The following EML1 variants were observed in gnomAD, a reference collection of about 807,000 sequenced individuals.
EML1 encodes EMAP like 1.
EML1 carries 27 observed loss-of-function variants against 110.4 expected under a neutral mutation model. That is an observed-to-expected ratio of 0.24 (90% confidence interval 0.18 to 0.34). The LOEUF is 0.34. Ranked by LOEUF, EML1 falls within the 10% of genes least tolerant of loss-of-function variation. The probability of loss-of-function intolerance (pLI) is 1.00; values close to 1 mark genes in which losing one functional copy is unlikely to be tolerated. For synonymous variants in EML1, 344 were observed against 385.8 expected, an observed-to-expected ratio of 0.89 and a Z score of 1.27; for missense variants, 741 against 1,030.9, an observed-to-expected ratio of 0.72 and a Z score of 3.85.
At chr14:99,829,304 A>T (rs774755513) in intron 1 of EML1, among the ~76,000 whole-genome samples, 5 of 151,676 alleles carry the variant, frequency 3.3e-5, no homozygotes, top group African/African-American at 4.8e-5. Flanking sequence ...TTGCTGTTGC[A>T]CTCTCATGAG....
At chr14:99,756,978 C>A (rs1282219011) in intron 1 of EML1, among the ~76,000 whole-genome samples, 1 of 152,224 alleles carries the variant, frequency 6.6e-6, no homozygotes, top group Non-Finnish European at 1.5e-5. Context: ...GTTCTACACA[C>A]ACATCCCCAG....
At chr14:99,902,894 G>A (rs1303514825) in intron 9 of EML1, among the ~76,000 whole-genome samples, 1 of 152,162 alleles carries the variant, frequency 6.6e-6, no homozygotes, top group Non-Finnish European at 1.5e-5. Context: ...TTTCCCCCAA[G>A]GGGCTTCTAT....
At chr14:99,880,499 A>G (rs2059367168) in intron 4 of EML1, among the ~76,000 whole-genome samples, 1 of 152,064 alleles carries the variant, frequency 6.6e-6, no homozygotes, top group Admixed American at 6.5e-5. Flanking sequence ...ACCCTCGAGG[A>G]TGGGACACAG....
Position 99,907,675 on chromosome 14 carries a change from A to G in EML1, c.1046A>G (p.Asn349Ser). ...GTNLCAVDDS[N>S]DHVLSVWDWQ... ...AATCTCTGTGCTGTGGATGACTCCAACGACCATGTGCTCTCTGTATGGGAC... is the reference window on the plus strand; with the variant it reads ...AATCTCTGTGCTGTGGATGACTCCAGCGACCATGTGCTCTCTGTATGGGAC... The change falls in exon 10 of 22, where the codon AAC becomes AGC. Residue 349 changes from asparagine to serine, a missense_variant. This residue lies in a region of EML1 where 388 missense variants were observed against 605.6 expected (regional missense o/e 0.64). Transcript: ENST00000262233. 4 of 1,614,214 alleles carry G rather than the reference A, an allele frequency of 2.5e-6. No homozygotes were observed. The highest frequency in any genetic ancestry group is 1.3e-5 in the African/African-American group (1 of 75,066).
chr14:99,739,165 G>T (rs927234256), intron 1 of EML1, among the ~76,000 whole-genome samples: 4 of 143,972 alleles, frequency 2.8e-5, no homozygotes, highest in African/African-American at 1.0e-4. Context: ...TTGGGGAGGG[G>T]TACATTGACA....
At chr14:99,897,531 T>A (rs1047925605) in intron 7 of EML1, among the ~76,000 whole-genome samples, 1 of 152,084 alleles carries the variant, frequency 6.6e-6, no homozygotes, top group African/African-American at 2.4e-5. Flanking sequence ...TTGGGAGAGC[T>A]CTTCTGTGTG....
At chr14:99,774,411 A>G (rs1364338972) in intron 1 of EML1, among the ~76,000 whole-genome samples, 3 of 152,158 alleles carry the variant, frequency 2.0e-5, no homozygotes, top group Non-Finnish European at 2.9e-5. Context: ...TAAAAGATGC[A>G]AATGCTTCTG....
chr14:99,797,195 T>C (rs889248422), intron 1 of EML1, among the ~76,000 whole-genome samples: 1 of 152,210 alleles, frequency 6.6e-6, no homozygotes, highest in African/African-American at 2.4e-5. Flanking sequence ...AATGGAATTA[T>C]AGAATGTTTG....
At chr14:99,917,969 G>T (rs2060062752) in intron 16 of EML1, 120 bp downstream of exon 16, 5 of 944,310 alleles carry the variant, frequency 5.3e-6, no homozygotes, top group African/African-American at 1.7e-5. Flanking sequence ...AGCTTCTAAT[G>T]ACTTACCAAG....
intron 17 of EML1, among the ~76,000 whole-genome samples, chr14:99,927,710 G>A (rs1279662473): frequency 1.4e-5 from 2 of 141,066 alleles, no homozygotes; most frequent in Non-Finnish European, 3.0e-5. Flanking sequence ...TCCAGTTTCT[G>A]AGATAATACA....
At position 99,751,477 on chromosome 14, in the gene EML1, C is replaced by A. The variant is rs113185973; in HGVS notation, c.28+13617C>A. ...ACAGTATGATTCCCGTCCTTGGGGG[C>A]AGACTCTTGGAGCAGGGGAGGTGTC... is the stretch of plus-strand genomic sequence containing the variant. On this transcript the variant is annotated intron_variant, in intron 1 of 10. Coordinates refer to the EML1 transcript ENST00000554479. Among the ~76,000 whole-genome samples the A allele has an allele frequency of 1.3e-3, 194 of 152,266 alleles. 1 individual carries two copies. Among genetic ancestry groups the A allele is most frequent in the African/African-American group, 4.3e-3 (177 of 41,558 alleles).
chr14:99,765,630 G>T (rs1449806382), intron 1 of EML1, among the ~76,000 whole-genome samples: 4 of 152,074 alleles, frequency 2.6e-5, no homozygotes, highest in Non-Finnish European at 4.4e-5. Flanking sequence ...TTGAGACAGA[G>T]TCTGGCTCTT....
chr14:99,936,262 A>C lies in EML1; in HGVS notation c.2023A>C (p.Ile675Leu). The C allele has an allele frequency of 6.2e-6, 10 of 1,614,076 alleles. No individual in the cohort carries two copies. Among genetic ancestry groups the C allele is most frequent in the Non-Finnish European group, 8.5e-6 (10 of 1,180,022 alleles). The part of the protein sequence containing the change: ...VGKCSGHSSF[I>L]THLDWSVNSQ... ...ACCCTCCCAGGGTCATTCCAGCTTC[A>C]TTACTCACCTGGACTGGTCTGTAAA... The change falls in exon 19 of 22, where the codon ATT (isoleucine) becomes CTT (leucine). Residue 675 changes from isoleucine (I) to leucine (L), a missense_variant. This residue lies in a region of EML1 where 388 missense variants were observed against 605.6 expected (regional missense o/e 0.64). Coordinates refer to ENST00000262233, the MANE Select transcript of EML1 (RefSeq NM_004434.3). The surrounding 1 kb of genome is among the most constrained non-coding windows in gnomAD (Gnocchi z 5.5).
chr14:99,891,341 GT>G, intron 5 of EML1, 114 bp downstream of exon 5: 1 of 1,333,118 alleles, frequency 7.5e-7, no homozygotes, highest in Admixed American at 1.9e-5. Context: ...AGGAGCTTTG[GT>G]TTGTGCAGGC....
chr14:99,872,438 A>G (rs2059221679), intron 3 of EML1, among the ~76,000 whole-genome samples: 1 of 152,194 alleles, frequency 6.6e-6, no homozygotes, highest in African/African-American at 2.4e-5. Flanking sequence ...AAACATTCTA[A>G]GGCCTCTGTA....
intron 3 of EML1, among the ~76,000 whole-genome samples, chr14:99,878,077 G>T (rs1484240714): frequency 6.6e-6 from 1 of 152,006 alleles, no homozygotes; most frequent in Non-Finnish European, 1.5e-5. Flanking sequence ...TAATTCGTCG[G>T]CTATCGTTAG....
At chr14:99,874,281 T>C (rs1276074670) in intron 3 of EML1, among the ~76,000 whole-genome samples, 1 of 152,232 alleles carries the variant, frequency 6.6e-6, no homozygotes, top group Non-Finnish European at 1.5e-5. Context: ...TTTCATAACT[T>C]ACAAGGTTGC....
chr14:99,878,346 C>A, intron 3 of EML1, 139 bp from the exon 4 acceptor site: 1 of 1,291,434 alleles, frequency 7.7e-7, no homozygotes, highest in Non-Finnish European at 1.0e-6. Context: ...CTCTGAAAAG[C>A]TTTTTGATCT....
chr14:99,912,724 G>A (rs1045668270), intron 13 of EML1, among the ~76,000 whole-genome samples: 2 of 152,196 alleles, frequency 1.3e-5, no homozygotes, highest in Non-Finnish European at 2.9e-5. Context: ...ACCAGCATTT[G>A]GTTGAACATA....
Sources: allele counts gnomAD v4.1 joint callset (sites outside exome capture counted in the v4.1 genomes callset), GRCh38; gene constraint gnomAD v4.1.1; regional missense constraint gnomAD v4.1.1; non-coding constraint Gnocchi (gnomAD v3.1); transcripts MANE v1.5; gene names NCBI Gene and HGNC (gene_info 2026-07-23, HGNC 2026-07-21).